PHLPP2: variants seen among roughly 807,000 people sequenced by gnomAD.
PHLPP2 encodes the protein PH domain and leucine rich repeat protein phosphatase 2.
PHLPP2 carries 66 observed loss-of-function variants against 124.9 expected under a neutral mutation model. That is an observed-to-expected ratio of 0.53 (90% CI 0.43 to 0.65). The LOEUF (loss-of-function observed/expected upper bound fraction) is 0.65. PHLPP2 is among the 30% of genes least tolerant of loss of function. The pLI, the probability that PHLPP2 is intolerant of heterozygous loss-of-function variation, is 0.00. For synonymous variants in PHLPP2, 681 were observed against 624.7 expected, an observed-to-expected ratio of 1.09 and a Z score of -1.34; for missense variants, 1,685 against 1,600.4, an observed-to-expected ratio of 1.05 and a Z score of -0.90.
In PHLPP2 at chr16:71,676,469, C is replaced by A. The variant is rs1481751905; in HGVS notation, c.1449G>T (p.Arg483=). The change falls in exon 9 of 19, where the codon CGG becomes CGT. Residue 483 remains arginine (R), a synonymous_variant. Coordinates refer to ENST00000568954, the MANE Select transcript of PHLPP2 (RefSeq NM_015020.3). The part of the protein sequence containing the change: ...RELTLSGFSL[R]TLYASSNRLT... Reference sequence around the variant, plus strand: ...CACTGTTGGAACTGGCATAGAGGGTCCGAAGGGAAAAGCCACTGAGTGTTA... The same window carrying A: ...CACTGTTGGAACTGGCATAGAGGGTACGAAGGGAAAAGCCACTGAGTGTTA... 2 of 1,614,000 alleles carry A rather than the reference C, an allele frequency of 1.2e-6. No homozygotes were observed. The highest frequency in any genetic ancestry group is 1.7e-5 in the Admixed American group (1 of 60,026).
chr16:71,681,613 G>C, intron 6 of PHLPP2, 138 bp downstream of exon 6: 1 of 607,218 alleles, frequency 1.6e-6, no homozygotes, highest in South Asian at 3.2e-5. Context: ...AGAACTCTGT[G>C]AATAAACATT....
intron 3 of PHLPP2, among the ~76,000 whole-genome samples, chr16:71,701,745 T>C (rs914914805): frequency 1.4e-5 from 1 of 70,932 alleles, no homozygotes; most frequent in Non-Finnish European, 2.6e-5. Context: ...CTGCAGTCAA[T>C]CATGGTCTGA....
At chr16:71,671,839 G>A (rs917599469) in intron 10 of PHLPP2, among the ~76,000 whole-genome samples, 11 of 151,848 alleles carry the variant, frequency 7.2e-5, no homozygotes, top group Admixed American at 2.0e-4. Flanking sequence ...ACGTGAACCC[G>A]GGAGGCAGAG....
In PHLPP2 at chr16:71,681,893, G is replaced by T. The variant is rs762019249; in HGVS notation, c.748C>A (p.Arg250=). The part of the protein sequence containing the change: ...QRQASKVVSQ[R]ISTVDLSCYS... ...CACGAGAGATCCACGGTACTGATTC[G>T]CTGGGACACCACCTGAATAATGTCA... Residue 250 remains arginine (R), a synonymous_variant, in exon 6 of 19, where the codon CGA becomes AGA. Coordinates refer to ENST00000568954, the MANE Select transcript of PHLPP2 (RefSeq NM_015020.3). 2.5e-5 allele frequency: 40 copies of T among 1,608,688 alleles called. No individual in the cohort carries two copies. The highest frequency in any genetic ancestry group is 3.3e-5 in the Non-Finnish European group (39 of 1,177,394).
intron 9 of PHLPP2, among the ~76,000 whole-genome samples, chr16:71,675,724 C>CT (rs1411969478): frequency 6.6e-6 from 1 of 152,018 alleles, no homozygotes; most frequent in Non-Finnish European, 1.5e-5. Flanking sequence ...ATTCTTCTTT[C>CT]TTTTTTTGAG....
chr16:71,664,137 T>A (rs1174369524), intron 12 of PHLPP2, 38 bp from the exon 13 acceptor site: 2 of 1,379,902 alleles, frequency 1.4e-6, no homozygotes, highest in Admixed American at 1.7e-5. Flanking sequence ...TCCTTTAAGT[T>A]TATTTGCTGC....
At chr16:71,695,028 G>A (rs1296603236) in intron 3 of PHLPP2, among the ~76,000 whole-genome samples, 2 of 151,972 alleles carry the variant, frequency 1.3e-5, no homozygotes, top group African/African-American at 4.8e-5. Context: ...CTCATGATCC[G>A]CCCGTCTTGG....
chr16:71,721,434 C>A (rs1484327300), intron 1 of PHLPP2, among the ~76,000 whole-genome samples: 1 of 152,020 alleles, frequency 6.6e-6, no homozygotes, highest in Non-Finnish European at 1.5e-5. Context: ...CATAGCAAGA[C>A]CCCATCTCTA....
chr16:71,663,825 T>A, intron 13 of PHLPP2, 74 bp downstream of exon 13: 2 of 1,123,796 alleles, frequency 1.8e-6, no homozygotes, highest in Admixed American at 1.9e-5. Context: ...CATAGTCAGA[T>A]GGCTATATTT....
At chr16:71,673,729 G>A (rs921790498) in intron 9 of PHLPP2, among the ~76,000 whole-genome samples, 12 of 152,070 alleles carry the variant, frequency 7.9e-5, no homozygotes, top group Non-Finnish European at 1.5e-4. Context: ...GCCTGTTGAT[G>A]AGGTCTTTTC....
At chr16:71,723,705 TC>T in intron 1 of PHLPP2, 1 of 768,370 alleles carries the variant, frequency 1.3e-6, no homozygotes, top group Non-Finnish European at 1.9e-6. Flanking sequence ...CCTCCCTCGT[TC>T]CCTCCCTAGT....
At chr16:71,706,944 C>T (rs2045278224) in intron 2 of PHLPP2, among the ~76,000 whole-genome samples, 2 of 140,132 alleles carry the variant, frequency 1.4e-5, no homozygotes, top group African/African-American at 2.6e-5. Context: ...AAAAGATACA[C>T]CATTTTTTTT....
At chr16:71,687,100 T>G (rs1320634593) in intron 4 of PHLPP2, among the ~76,000 whole-genome samples, 1 of 152,240 alleles carries the variant, frequency 6.6e-6, no homozygotes, top group Non-Finnish European at 1.5e-5. Context: ...TCATCAGTCT[T>G]TTAATTTCAG....
chr16:71,681,646 G>C, intron 6 of PHLPP2, 105 bp downstream of exon 6: 4 of 851,910 alleles, frequency 4.7e-6, no homozygotes, highest in Non-Finnish European at 6.9e-6. Flanking sequence ...TCAAAAGGGA[G>C]GGGAAATTTT....
intron 2 of PHLPP2, among the ~76,000 whole-genome samples, chr16:71,706,980 G>T (rs1396131989): frequency 8.8e-6 from 1 of 114,082 alleles, no homozygotes; most frequent in African/African-American, 3.4e-5. Flanking sequence ...TTTTGAGACG[G>T]AGTCTTGCTG....
At chr16:71,693,261 T>C (rs947835481) in intron 3 of PHLPP2, among the ~76,000 whole-genome samples, 1 of 152,084 alleles carries the variant, frequency 6.6e-6, no homozygotes, top group East Asian at 1.9e-4. Context: ...CACTCCAGCC[T>C]GGGGGACAAA....
intron 12 of PHLPP2, among the ~76,000 whole-genome samples, chr16:71,665,265 G>C (rs913344484): frequency 2.6e-5 from 4 of 152,064 alleles, no homozygotes; most frequent in African/African-American, 9.7e-5. Context: ...AGCTGAGATC[G>C]TGCCACCGCA....
chr16:71,684,678 A>C lies in PHLPP2; in HGVS notation c.610-77T>G. On this transcript the variant is annotated intron_variant, in intron 4 of 18. Transcript: ENST00000568954. ...TCAAAAAGCAAAAGGCAATCACAAG[A>C]CGAACAACTGAATTTTTAAAAATAG... The C allele has an allele frequency of 4.4e-6, 6 of 1,355,718 alleles. No homozygotes were observed. The South Asian group carries it at 7.8e-5, about 18-fold the overall frequency. The allele number at this position is 1,355,718 out of a possible 1,614,324, so 84.0% of individuals were successfully genotyped here.
intron 13 of PHLPP2, among the ~76,000 whole-genome samples, chr16:71,661,888 A>G (rs2044794914): frequency 6.6e-6 from 1 of 151,822 alleles, no homozygotes; most frequent in Admixed American, 6.6e-5. Context: ...CAGTGATACG[A>G]TCTTGGCTCA....
Sources: allele counts gnomAD v4.1 joint callset (sites outside exome capture counted in the v4.1 genomes callset), GRCh38; gene constraint gnomAD v4.1.1; transcripts MANE v1.5; gene names NCBI Gene and HGNC (gene_info 2026-07-23, HGNC 2026-07-21).